KIF16B: variants seen among roughly 807,000 people sequenced by gnomAD.
KIF16B encodes kinesin-like protein KIF16B.
A neutral mutation model predicts 156.3 loss-of-function variants in KIF16B; 98 were observed. That is an observed-to-expected ratio of 0.63 (90% CI 0.53 to 0.74). The LOEUF is 0.74. Ranked by LOEUF, KIF16B falls within the 30% of genes least tolerant of loss-of-function variation. The pLI, the probability that KIF16B is intolerant of heterozygous loss-of-function variation, is 0.00. For missense variants in KIF16B, 1,421 were observed against 1,606.5 expected (o/e 0.88, Z 1.97); for synonymous variants, 564 against 583.7 (o/e 0.97, Z 0.49).
At position 16,356,350 on chromosome 20, in the gene KIF16B, G is replaced by A. The variant is rs748410746; in HGVS notation, c.3601C>T (p.His1201Tyr). 1 of 1,614,156 alleles carries A rather than the reference G, an allele frequency of 6.2e-7. No individual in the cohort carries two copies. The highest frequency in any genetic ancestry group is 8.5e-7 in the Non-Finnish European group (1 of 1,179,998). Residue 1201 changes from histidine to tyrosine, a missense_variant, in exon 23 of 26, where the codon CAC becomes TAC. Coordinates refer to ENST00000354981, the MANE Select transcript of KIF16B (RefSeq NM_024704.5). Reference sequence around the variant, plus strand: ...CTCACCTTGACCTCAAACTCGAAGTGTGCATCCTTTCCTTGCCCGCAGAGG... The same window carrying A: ...CTCACCTTGACCTCAAACTCGAAGTATGCATCCTTTCCTTGCCCGCAGAGG... ...YVLCGQGKDA[H>Y]FEFEVKITVL...
intron 19 of KIF16B, among the ~76,000 whole-genome samples, chr20:16,375,120 G>A (rs2064915527): frequency 6.6e-6 from 1 of 152,144 alleles, no homozygotes; most frequent in Non-Finnish European, 1.5e-5. Flanking sequence ...GGTCAAATGT[G>A]TGTAAGGTCA....
At chr20:16,494,558 G>C (rs1449808813) in intron 11 of KIF16B, among the ~76,000 whole-genome samples, 2 of 152,164 alleles carry the variant, frequency 1.3e-5, no homozygotes, top group Non-Finnish European at 2.9e-5. Context: ...GGAAAGAACA[G>C]ACAGAAATTT....
chr20:16,489,393 A>C (rs1361197161), intron 12 of KIF16B, among the ~76,000 whole-genome samples: 1 of 152,176 alleles, frequency 6.6e-6, no homozygotes, highest in African/African-American at 2.4e-5. Flanking sequence ...AGGACAAGGA[A>C]GCCTAAGACT....
At chr20:16,518,264 A>C (rs1224885798) in intron 3 of KIF16B, among the ~76,000 whole-genome samples, 3 of 152,166 alleles carry the variant, frequency 2.0e-5, no homozygotes, top group Admixed American at 2.0e-4. Context: ...TACCCCCATC[A>C]CAGCTCCCAC....
rs371564731 is a variant in KIF16B at position 16,317,867 on chromosome 20, C to A, written c.3712-5449G>T. Among the ~76,000 whole-genome samples, 18 of 152,258 alleles carry A rather than the reference C, an allele frequency of 1.2e-4. No homozygotes were observed. The South Asian group carries it at 3.3e-3, about 28-fold the overall frequency. Reference sequence around the variant, plus strand: ...ATGCAATTCCACTCAAGGAGGAAGGCGAGCAGGGGCTGTGAGAGGAGGAGC... The same window carrying A: ...ATGCAATTCCACTCAAGGAGGAAGGAGAGCAGGGGCTGTGAGAGGAGGAGC... On this transcript the variant is annotated intron_variant, in intron 24 of 25. Transcript: ENST00000354981.
intron 1 of KIF16B, among the ~76,000 whole-genome samples, chr20:16,557,375 T>C (rs2070891550): frequency 6.6e-6 from 1 of 152,072 alleles, no homozygotes; most frequent in Admixed American, 6.6e-5. Flanking sequence ...AGATGGGGTT[T>C]CACCATGTTG....
chr20:16,375,110 G>A (rs1472247933), intron 19 of KIF16B, among the ~76,000 whole-genome samples: 2 of 152,148 alleles, frequency 1.3e-5, no homozygotes, highest in African/African-American at 4.8e-5. Context: ...ATCTATATGA[G>A]GTCAAATGTG....
chr20:16,348,877 A>G (rs902292007), intron 23 of KIF16B, among the ~76,000 whole-genome samples: 2 of 152,226 alleles, frequency 1.3e-5, no homozygotes, highest in African/African-American at 4.8e-5. Flanking sequence ...GGAACAGATG[A>G]GAATGTTACT....
intron 12 of KIF16B, among the ~76,000 whole-genome samples, chr20:16,448,731 T>C (rs2067000044): frequency 6.6e-6 from 1 of 151,888 alleles, no homozygotes; most frequent in African/African-American, 2.4e-5. Context: ...ACAACAGAGC[T>C]CTCCTAGCAA....
intron 12 of KIF16B, among the ~76,000 whole-genome samples, chr20:16,487,976 T>C (rs1448480213): frequency 6.6e-6 from 1 of 152,142 alleles, no homozygotes; most frequent in Non-Finnish European, 1.5e-5. Context: ...CAATCCAACT[T>C]ATACAAATTG....
chr20:16,301,216 AGTTT>A (rs1406988931), intron 25 of KIF16B, among the ~76,000 whole-genome samples: 2 of 152,314 alleles, frequency 1.3e-5, no homozygotes, highest in East Asian at 3.9e-4. Flanking sequence ...GATGTACCAC[AGTTT>A]ATTTATCCAT....
At chr20:16,407,951 G>A (rs1400514858) in intron 15 of KIF16B, among the ~76,000 whole-genome samples, 1 of 152,100 alleles carries the variant, frequency 6.6e-6, no homozygotes, top group Non-Finnish European at 1.5e-5. Context: ...TTTGCACTTA[G>A]CAAAAATCCC....
chr20:16,312,659 A>G (rs1372645625), intron 24 of KIF16B, among the ~76,000 whole-genome samples: 2 of 152,198 alleles, frequency 1.3e-5, no homozygotes, highest in Non-Finnish European at 2.9e-5. Context: ...CCATGGAAGA[A>G]TGAATCTGAT....
chr20:16,573,253 A>C lies in KIF16B; in HGVS notation c.23T>G (p.Val8Gly), dbSNP rs758684501. The change falls in exon 1 of 26, where the codon GTG becomes GGG. Residue 8 changes from valine (V) to glycine (G), a missense_variant. Physicochemically the swap from Val to Gly is moderately radical, Grantham distance 109 (BLOSUM62 -3). Coordinates refer to ENST00000354981, the MANE Select transcript of KIF16B (RefSeq NM_024704.5). ...CCTGCGATTCATGGGCCGGACCCTC[A>C]CGGCCACCTTGACCGATGCCATCGC... MASVKVA[V>G]RVRPMNRREK... 6 of 1,606,364 alleles carry C rather than the reference A, an allele frequency of 3.7e-6. No individual in the cohort carries two copies. Among genetic ancestry groups the C allele is most frequent in the Non-Finnish European group, 5.1e-6 (6 of 1,177,550 alleles).
chr20:16,473,155 A>C (rs982585317), intron 12 of KIF16B, among the ~76,000 whole-genome samples: 1 of 152,218 alleles, frequency 6.6e-6, no homozygotes, highest in Non-Finnish European at 1.5e-5. Flanking sequence ...GCAAAAGAGC[A>C]TTTAGCTTAA....
chr20:16,306,263 T>C (rs1043143201), intron 25 of KIF16B, among the ~76,000 whole-genome samples: 4 of 152,130 alleles, frequency 2.6e-5, no homozygotes, highest in Admixed American at 6.6e-5. Context: ...TTGATACTTA[T>C]CTATTTCTTT....
chr20:16,441,200 G>A (rs1195176156), intron 12 of KIF16B, among the ~76,000 whole-genome samples: 1 of 152,166 alleles, frequency 6.6e-6, no homozygotes. Flanking sequence ...GTGGGATGTT[G>A]TGGCCCAGAA....
intron 3 of KIF16B, among the ~76,000 whole-genome samples, chr20:16,521,364 G>A (rs2069343643): frequency 6.6e-6 from 1 of 151,914 alleles, no homozygotes; most frequent in South Asian, 2.1e-4. Flanking sequence ...CAAGAACTTC[G>A]TGAAGCACAC....
chr20:16,391,988 T>C (rs540338768), intron 17 of KIF16B, among the ~76,000 whole-genome samples: 9 of 152,330 alleles, frequency 5.9e-5, no homozygotes, highest in African/African-American at 9.6e-5. Context: ...ACAGACCACC[T>C]GAGTGAGGAG....
Sources: allele counts gnomAD v4.1 joint callset (sites outside exome capture counted in the v4.1 genomes callset), GRCh38; gene constraint gnomAD v4.1.1; transcripts MANE v1.5; gene names NCBI Gene and HGNC (gene_info 2026-07-23, HGNC 2026-07-21).